Variants in KIAA0232 observed in about 807,000 individuals in gnomAD.
The protein encoded by KIAA0232 is KIAA0232, also known as uncharacterized protein KIAA0232.
A neutral mutation model predicts 122.0 loss-of-function variants in KIAA0232; 27 were observed. The ratio of observed to expected loss-of-function variants is 0.22; its 90% CI spans 0.16 to 0.31. The LOEUF is 0.31. Among genes scored for constraint, KIAA0232 ranks in the 10% least tolerant of loss-of-function variants. The pLI, the probability that KIAA0232 is intolerant of heterozygous loss-of-function variation, is 1.00. For missense variants in KIAA0232, 1,551 were observed against 1,634.2 expected (o/e 0.95, Z 0.88); for synonymous variants, 613 against 587.6 (o/e 1.04, Z -0.63).
At chr4:6,847,458 T>A (rs1720027216) in intron 4 of KIAA0232, among the ~76,000 whole-genome samples, 1 of 152,222 alleles carries the variant, frequency 6.6e-6, no homozygotes, top group Non-Finnish European at 1.5e-5. Flanking sequence ...TTCAGTTGTG[T>A]CAGAATTTAA....
In KIAA0232 at chr4:6,881,036, G is replaced by C; in HGVS notation, c.*70G>C. 1 of 1,144,194 alleles carries C rather than the reference G, an allele frequency of 8.7e-7. No homozygotes were observed. Among genetic ancestry groups the C allele is most frequent in the Non-Finnish European group, 1.1e-6 (1 of 869,798 alleles). The allele number at this position is 1,144,194 out of a possible 1,614,324, so 70.9% of individuals were successfully genotyped here. Reference sequence around the variant, plus strand: ...GGAAAATTACTCTTCAGTGAGACCTGTTAATCTAAAACAACAACTTAGGTT... The same window carrying C: ...GGAAAATTACTCTTCAGTGAGACCTCTTAATCTAAAACAACAACTTAGGTT... On this transcript the variant is annotated 3_prime_UTR_variant, in exon 10 of 10. Coordinates refer to ENST00000307659, the MANE Select transcript of KIAA0232 (RefSeq NM_014743.3).
chr4:6,809,589 C>T (rs1225704224), intron 2 of KIAA0232, among the ~76,000 whole-genome samples: 1 of 151,940 alleles, frequency 6.6e-6, no homozygotes, highest in Admixed American at 6.5e-5. Context: ...AGAAATTAAG[C>T]AAGAGAAAGA....
At chr4:6,815,784 A>G (rs1577368137) in intron 2 of KIAA0232, among the ~76,000 whole-genome samples, 2 of 152,184 alleles carry the variant, frequency 1.3e-5, no homozygotes, top group Non-Finnish European at 2.9e-5. Context: ...TCATGCAATC[A>G]GATTTTGGAC....
chr4:6,798,070 A>AG (rs1332900685), intron 1 of KIAA0232, among the ~76,000 whole-genome samples: 2 of 152,030 alleles, frequency 1.3e-5, no homozygotes, highest in Non-Finnish European at 2.9e-5. Context: ...AAAAAAAAAA[A>AG]AGAGAGACAT....
intron 3 of KIAA0232, among the ~76,000 whole-genome samples, chr4:6,827,411 C>T (rs1158481072): frequency 1.3e-5 from 2 of 152,208 alleles, no homozygotes; most frequent in African/African-American, 4.8e-5. Context: ...CAGCTAACAG[C>T]AAGGCTGACA....
intron 4 of KIAA0232, among the ~76,000 whole-genome samples, chr4:6,845,694 G>T (rs1719919101): frequency 6.6e-6 from 1 of 152,024 alleles, no homozygotes; most frequent in Admixed American, 6.6e-5. Flanking sequence ...GGTAGTGCAG[G>T]TTCAGACTGA....
At chr4:6,811,907 G>T (rs1717899021) in intron 2 of KIAA0232, among the ~76,000 whole-genome samples, 1 of 151,652 alleles carries the variant, frequency 6.6e-6, no homozygotes. Context: ...TCTTTGTTTT[G>T]TTAATAGGCT....
At chr4:6,831,825 A>G (rs1353721719) in intron 3 of KIAA0232, among the ~76,000 whole-genome samples, 1 of 152,156 alleles carries the variant, frequency 6.6e-6, no homozygotes, top group African/African-American at 2.4e-5. Context: ...TCTGGCCCTA[A>G]GAGTTCACTC....
intron 3 of KIAA0232, among the ~76,000 whole-genome samples, chr4:6,825,561 G>A (rs541118204): frequency 1.7e-4 from 26 of 151,302 alleles, no homozygotes; most frequent in Admixed American, 1.2e-3. Flanking sequence ...TCTCTCTCTC[G>A]CACGCATACA....
chr4:6,790,793 TTTGG>T (rs1412047226), intron 1 of KIAA0232, among the ~76,000 whole-genome samples: 1 of 152,182 alleles, frequency 6.6e-6, no homozygotes, highest in Non-Finnish European at 1.5e-5. Context: ...TAATTCTTTC[TTTGG>T]TTGTTTTCCT....
At chr4:6,858,324 G>A in intron 5 of KIAA0232, 101 bp from the exon 6 acceptor site, 2 of 661,734 alleles carry the variant, frequency 3.0e-6, no homozygotes, top group Non-Finnish European at 5.0e-6. Context: ...AAGCACCAAA[G>A]TCTCTATTTC....
At chr4:6,846,362 G>C (rs1030960321) in intron 4 of KIAA0232, among the ~76,000 whole-genome samples, 1 of 152,176 alleles carries the variant, frequency 6.6e-6, no homozygotes. Context: ...TTAGGAGCTG[G>C]GCTGCACAGC....
intron 3 of KIAA0232, among the ~76,000 whole-genome samples, chr4:6,841,327 A>G (rs1473659696): frequency 6.6e-6 from 1 of 152,306 alleles, no homozygotes; most frequent in East Asian, 1.9e-4. Context: ...CTCAAAATCT[A>G]TTTGCCTACT....
At chr4:6,789,040 G>A (rs865886983) in intron 1 of KIAA0232, among the ~76,000 whole-genome samples, 2 of 151,614 alleles carry the variant, frequency 1.3e-5, no homozygotes, top group African/African-American at 4.9e-5. Flanking sequence ...GCGCGATCTC[G>A]GCTCACTGCC....
At chr4:6,786,908 C>T (rs969471661) in intron 1 of KIAA0232, among the ~76,000 whole-genome samples, 2 of 152,186 alleles carry the variant, frequency 1.3e-5, no homozygotes, top group Admixed American at 6.5e-5. Context: ...ATTGGCCGGG[C>T]GCGGTGGCTC....
At chr4:6,846,917 G>C (rs1308979969) in intron 4 of KIAA0232, among the ~76,000 whole-genome samples, 1 of 152,150 alleles carries the variant, frequency 6.6e-6, no homozygotes, top group African/African-American at 2.4e-5. Context: ...TGTGTGCTAT[G>C]CTTTCCCATC....
At chr4:6,837,254 G>A (rs1298076105) in intron 3 of KIAA0232, among the ~76,000 whole-genome samples, 1 of 150,870 alleles carries the variant, frequency 6.6e-6, no homozygotes, top group Non-Finnish European at 1.5e-5. Context: ...GGTCACAGAC[G>A]CTCCTCACCT....
intron 1 of KIAA0232, among the ~76,000 whole-genome samples, chr4:6,786,948 C>G (rs567887340): frequency 6.6e-6 from 1 of 152,004 alleles, no homozygotes; most frequent in East Asian, 1.9e-4. Context: ...CTTGGGAGGC[C>G]GAGGCGGGCG....
At chr4:6,869,041 C>T (rs1417657825) in intron 7 of KIAA0232, among the ~76,000 whole-genome samples, 5 of 152,116 alleles carry the variant, frequency 3.3e-5, no homozygotes, top group Non-Finnish European at 5.9e-5. Context: ...GTGCGGGGCC[C>T]CATACTTGGG....
Sources: allele counts gnomAD v4.1 joint callset (sites outside exome capture counted in the v4.1 genomes callset), GRCh38; gene constraint gnomAD v4.1.1; transcripts MANE v1.5; gene names NCBI Gene and HGNC (gene_info 2026-07-23, HGNC 2026-07-21).